Variants in C5 observed in about 807,000 individuals in gnomAD.
The protein encoded by C5 is complement C5, also known as C3 and PZP-like alpha-2-macroglobulin domain-containing protein 4.
Under a neutral mutation model 218.8 loss-of-function variants are expected in C5, and 140 were observed. That is an observed-to-expected ratio of 0.64 (90% CI 0.56 to 0.74). The LOEUF (loss-of-function observed/expected upper bound fraction) is 0.74. Among genes scored for constraint, C5 ranks in the 30% least tolerant of loss-of-function variants. The pLI, the probability that C5 is intolerant of heterozygous loss-of-function variation, is 0.00. For missense variants in C5, 1,700 were observed against 1,969.6 expected (o/e 0.86, Z 2.59); for synonymous variants, 614 against 682.3 (o/e 0.90, Z 1.56).
At chr9:120,973,497 A>G (rs1213450075) in intron 30 of C5, among the ~76,000 whole-genome samples, 1 of 152,248 alleles carries the variant, frequency 6.6e-6, no homozygotes. Context: ...GGACTGCAGT[A>G]AATTGTAGAA....
the C5 span, among the ~76,000 whole-genome samples, chr9:121,069,576 T>C: frequency 6.6e-6 from 1 of 151,690 alleles, no homozygotes; most frequent in African/African-American, 2.4e-5. Context: ...TGCAGTGGCA[T>C]GATGATAGCT....
intron 20 of C5, chr9:120,999,982 C>A (rs899413035): frequency 6.8e-6 from 3 of 440,154 alleles, no homozygotes; most frequent in Non-Finnish European, 9.1e-6. Flanking sequence ...TCGCTTGAAC[C>A]TGGCAGGCGG....
intron 17 of C5, among the ~76,000 whole-genome samples, chr9:121,009,098 G>A (rs1018963495): frequency 3.4e-4 from 51 of 152,108 alleles, no homozygotes; most frequent in African/African-American, 1.2e-3. Flanking sequence ...AAAGTTATTT[G>A]CACTTATATA....
chr9:121,026,442 A>G (rs1461833817), intron 8 of C5, among the ~76,000 whole-genome samples: 1 of 152,206 alleles, frequency 6.6e-6, no homozygotes, highest in East Asian at 1.9e-4. Flanking sequence ...ATAGTTTAAT[A>G]TTGAAAATGA....
chr9:120,953,334 T>C (rs1426128074), intron 40 of C5, among the ~76,000 whole-genome samples: 1 of 152,194 alleles, frequency 6.6e-6, no homozygotes, highest in East Asian at 1.9e-4. Context: ...CCTTAAGGAA[T>C]TGTAAAGCTG....
intron 2 of C5, among the ~76,000 whole-genome samples, chr9:121,043,925 T>C (rs1230280368): frequency 6.6e-6 from 1 of 152,094 alleles, no homozygotes; most frequent in Non-Finnish European, 1.5e-5. Flanking sequence ...TTCCAATTTA[T>C]GTTTGTAATT....
chr9:120,966,457 G>A (rs920029690), intron 33 of C5, among the ~76,000 whole-genome samples: 1 of 152,190 alleles, frequency 6.6e-6, no homozygotes, highest in Non-Finnish European at 1.5e-5. Context: ...GAAGGTCACT[G>A]GAGTTCTTAC....
intron 2 of C5, 123 bp downstream of exon 2, chr9:121,046,068 T>C: frequency 2.1e-6 from 1 of 481,078 alleles, no homozygotes; most frequent in Non-Finnish European, 3.6e-6. Context: ...TGACATCATC[T>C]AATAATCCCA....
chr9:121,023,639 T>A (rs1481168587), intron 9 of C5, 120 bp from the exon 10 acceptor site: 2 of 718,626 alleles, frequency 2.8e-6, no homozygotes, highest in Non-Finnish European at 5.1e-6. Flanking sequence ...ATTCTTGCAT[T>A]CATTCATTTA....
Position 121,028,046 on chromosome 9 carries a change from T to C in C5, c.759-772A>G, listed in dbSNP as rs1170779043. ...AAAGTGGGCAAAGGATATGAACAGA[T>C]ACTTCTCAAAAGAAGACATTTATGC... On this transcript the variant is annotated intron_variant, in intron 7 of 40. Transcript: ENST00000223642. Among the ~76,000 whole-genome samples the C allele has an allele frequency of 3.3e-5, 5 of 151,972 alleles. No individual in the cohort carries two copies. The South Asian group carries it at 6.2e-4, about 19-fold the overall frequency.
In C5 at chr9:120,973,205, G is replaced by A. The variant is rs529027269; in HGVS notation, c.4018-1213C>T. The stretch of plus-strand genomic sequence containing the variant: ...ACAGCCCAGGTTTTACATGGAAGCA[G>A]CATCCTGGGCTGGGGTTTAAATTTT... On this transcript the variant is annotated intron_variant, in intron 30 of 40. Transcript: ENST00000223642. Among the ~76,000 whole-genome samples, 7 of 152,338 alleles carry A rather than the reference G, an allele frequency of 4.6e-5. No homozygotes were observed. The East Asian group carries it at 1.3e-3, about 29-fold the overall frequency.
At chr9:121,047,062 T>C (rs1337141870) in intron 1 of C5, among the ~76,000 whole-genome samples, 1 of 152,158 alleles carries the variant, frequency 6.6e-6, no homozygotes, top group Non-Finnish European at 1.5e-5. Context: ...TAAGAGCAAA[T>C]CATCATCTTC....
At position 121,049,772 on chromosome 9, in the gene C5, T is replaced by G. The variant is rs7026946; in HGVS notation, c.65+410A>C. Among the ~76,000 whole-genome samples the G allele has an allele frequency of 3.3e-3, 497 of 152,304 alleles. 3 individuals are homozygous for G. Among genetic ancestry groups the G allele is most frequent in the African/African-American group, 0.011 (465 of 41,562 alleles). On this transcript the variant is annotated intron_variant, in intron 1 of 40. Coordinates refer to ENST00000223642, the MANE Select transcript of C5 (RefSeq NM_001735.3). Reference sequence around the variant, plus strand: ...CTCATAAATGTATGGTAGAAGTCACTACAACAACAGATTTTCAGATCACAG... The same window carrying G: ...CTCATAAATGTATGGTAGAAGTCACGACAACAACAGATTTTCAGATCACAG...
At chr9:121,053,882 G>C (rs1454225827), upstream of C5, among the ~76,000 whole-genome samples, 1 of 152,198 alleles carries the variant, frequency 6.6e-6, no homozygotes, top group Admixed American at 6.5e-5. Context: ...GTGCTCCAGA[G>C]GGAGAAACCC....
chr9:120,965,078 A>G (rs926979275), intron 33 of C5, among the ~76,000 whole-genome samples: 8 of 152,308 alleles, frequency 5.3e-5, no homozygotes, highest in African/African-American at 1.9e-4. Context: ...AGCAGTCAGG[A>G]TTAAAGGAAG....
At position 121,046,305 on chromosome 9, in the gene C5, T is replaced by C; in HGVS notation, c.144A>G (p.Glu48=). Residue 48 remains glutamate (E), a synonymous_variant, in exon 2 of 41, where the codon GAA becomes GAG. Transcript: ENST00000223642. ...NIVIQVYGYT[E]AFDATISIKS... The stretch of plus-strand genomic sequence containing the variant: ...TAATAGAGATTGTTGCATCAAATGC[T>C]TCAGTGTATCCATAAACTTGAATCA... The C allele has an allele frequency of 6.2e-7, 1 of 1,610,968 alleles. No homozygotes were observed. The highest frequency in any genetic ancestry group is 8.5e-7 in the Non-Finnish European group (1 of 1,177,364).
intron 1 of C5, among the ~76,000 whole-genome samples, chr9:121,048,233 GAA>G (rs2047644237): frequency 6.6e-6 from 1 of 152,124 alleles, no homozygotes; most frequent in South Asian, 2.1e-4. Context: ...CTTTAATTTT[GAA>G]TTGTGTATGG....
intron 24 of C5, 76 bp downstream of exon 24, chr9:120,989,492 C>T: frequency 1.0e-6 from 1 of 967,848 alleles, no homozygotes; most frequent in Non-Finnish European, 1.5e-6. Context: ...CTATAATTCA[C>T]AACTTAAATA....
At chr9:121,016,887 T>C (rs2047311934) in intron 14 of C5, among the ~76,000 whole-genome samples, 1 of 152,178 alleles carries the variant, frequency 6.6e-6, no homozygotes, top group Non-Finnish European at 1.5e-5. Context: ...AGTCCTTCCT[T>C]CCTTGTTCAA....
Sources: allele counts gnomAD v4.1 joint callset (sites outside exome capture counted in the v4.1 genomes callset), GRCh38; gene constraint gnomAD v4.1.1; transcripts MANE v1.5; gene names NCBI Gene and HGNC (gene_info 2026-07-23, HGNC 2026-07-21).